Variants in ARMC8 observed in about 807,000 individuals in gnomAD.
The protein encoded by ARMC8 is armadillo repeat containing 8, also known as armadillo repeat-containing protein 8.
In ARMC8, 20 loss-of-function variants were observed where a neutral mutation model predicts 99.3. The ratio of observed to expected loss-of-function variants is 0.20; its 90% confidence interval spans 0.14 to 0.29. The LOEUF (loss-of-function observed/expected upper bound fraction) is 0.29. Ranked by LOEUF, ARMC8 falls within the 10% of genes least tolerant of loss-of-function variation. The probability of loss-of-function intolerance (pLI) is 1.00; values close to 1 mark genes in which losing one functional copy is unlikely to be tolerated. For missense variants in ARMC8, 569 were observed against 809.5 expected, an observed-to-expected ratio of 0.70 and a Z score of 3.60; for synonymous variants, 263 against 278.3, an observed-to-expected ratio of 0.95 and a Z score of 0.55.
At chr3:138,189,405 C>T (rs930214544) in intron 1 of ARMC8, among the ~76,000 whole-genome samples, 1 of 152,086 alleles carries the variant, frequency 6.6e-6, no homozygotes, top group Non-Finnish European at 1.5e-5. Flanking sequence ...TTTCAATTCA[C>T]TGATTTTACT....
chr3:138,220,391 A>G (rs1246561438), intron 2 of ARMC8, among the ~76,000 whole-genome samples: 2 of 152,198 alleles, frequency 1.3e-5, no homozygotes, highest in Non-Finnish European at 2.9e-5. Flanking sequence ...AGAAGATCTG[A>G]GGGATACTTT....
At chr3:138,217,210 CTCG>C (rs1292982860) in intron 2 of ARMC8, among the ~76,000 whole-genome samples, 1 of 152,110 alleles carries the variant, frequency 6.6e-6, no homozygotes, top group Non-Finnish European at 1.5e-5. Flanking sequence ...ATAATGTGTC[CTCG>C]TCGTTAAGCG....
intron 12 of ARMC8, among the ~76,000 whole-genome samples, chr3:138,255,299 C>T (rs1370747423): frequency 6.7e-6 from 1 of 150,084 alleles, no homozygotes; most frequent in Non-Finnish European, 1.5e-5. Flanking sequence ...ACCTCCCGGG[C>T]TCAGGCCATT....
chr3:138,222,577 C>A (rs555152856), intron 3 of ARMC8, among the ~76,000 whole-genome samples: 1 of 152,112 alleles, frequency 6.6e-6, no homozygotes, highest in Non-Finnish European at 1.5e-5. Context: ...GTTTTCTGTG[C>A]AATTGCTATT....
In ARMC8 at chr3:138,223,481, A is replaced by G; in HGVS notation, c.287A>G (p.Asn96Ser). 6.2e-7 allele frequency: 1 copy of G among 1,614,212 alleles called. No individual in the cohort carries two copies. Among genetic ancestry groups the G allele is most frequent in the Non-Finnish European group, 8.5e-7 (1 of 1,180,050 alleles). Reference protein sequence around the residue: ...VLGSLAMGTENNVKSLLDCHI... With the variant: ...VLGSLAMGTESNVKSLLDCHI... ...GGAAGTCTTGCTATGGGTACTGAAAACAATGTCAAGTCTCTACTGGACTGC... is the reference window on the plus strand; with the variant it reads ...GGAAGTCTTGCTATGGGTACTGAAAGCAATGTCAAGTCTCTACTGGACTGC... Residue 96 changes from asparagine (N) to serine (S), a missense_variant, in exon 4 of 22, where the codon AAC becomes AGC. By Grantham distance (46) the Asn-to-Ser change is conservative. This residue lies in a region of ARMC8 where 342 missense variants were observed against 391.6 expected (regional missense o/e 0.87). Transcript: ENST00000469044.
At chr3:138,267,093 T>A (rs754049136) in intron 14 of ARMC8, 62 bp from the exon 15 acceptor site, 3 of 831,258 alleles carry the variant, frequency 3.6e-6, no homozygotes, top group Non-Finnish European at 5.6e-6. Context: ...ATTTTATATC[T>A]CATTTTATAT....
At chr3:138,221,435 A>G (rs1435084277) in intron 2 of ARMC8, among the ~76,000 whole-genome samples, 2 of 152,210 alleles carry the variant, frequency 1.3e-5, no homozygotes, top group African/African-American at 4.8e-5. Flanking sequence ...TTGGAAAATA[A>G]CAAAGGAGTA....
chr3:138,207,282 A>G (rs911087970), intron 1 of ARMC8, among the ~76,000 whole-genome samples: 1 of 152,190 alleles, frequency 6.6e-6, no homozygotes, highest in South Asian at 2.1e-4. Context: ...TATAATTCTT[A>G]TATTCTAATA....
Position 138,241,814 on chromosome 3 carries a change from AG to A in ARMC8, c.871del (p.Glu291ArgfsTer4). 1 of 1,614,056 alleles carries A rather than the reference AG, an allele frequency of 6.2e-7. No individual in the cohort carries two copies. ...CCTTGTTTGGTTCGAATGTGCAGTA[AG>A]GAGAGATTACTAGAGGAGAGAGTTG... Reference protein sequence around the residue: ...TLPCLVRMCSKERLLEERVEG... With the variant: ...TLPCLVRMCSXERLLEERVEG... On this transcript the variant is annotated frameshift_variant, in exon 11 of 22. Coordinates refer to ENST00000469044, the MANE Select transcript of ARMC8 (RefSeq NM_001363941.2). LOFTEE classifies it high-confidence loss of function.
At chr3:138,272,592 G>A (rs2048897269) in intron 16 of ARMC8, among the ~76,000 whole-genome samples, 1 of 152,148 alleles carries the variant, frequency 6.6e-6, no homozygotes, top group Non-Finnish European at 1.5e-5. Flanking sequence ...AATTATCAGA[G>A]TTGGCCAAGC....
chr3:138,218,285 C>CA (rs1469337972), intron 2 of ARMC8, among the ~76,000 whole-genome samples: 1 of 152,148 alleles, frequency 6.6e-6, no homozygotes, highest in African/African-American at 2.4e-5. Context: ...CATTCCATTT[C>CA]ACATTCAGCT....
chr3:138,195,299 AAAG>A (rs1447153288), intron 1 of ARMC8, among the ~76,000 whole-genome samples: 4 of 151,928 alleles, frequency 2.6e-5, no homozygotes, highest in African/African-American at 9.7e-5. Context: ...AAAAAAAAAA[AAAG>A]AAACTATCTC....
rs1057424200 is a variant in ARMC8, at chr3:138,241,903, A to G, written c.958A>G (p.Ile320Val). 2.6e-5 allele frequency: 42 copies of G among 1,614,128 alleles called. No homozygotes were observed. The highest frequency in any genetic ancestry group is 3.3e-5 in the Non-Finnish European group (39 of 1,179,994). The change falls in exon 11 of 22, where the codon ATA becomes GTA. Residue 320 changes from isoleucine (I) to valine (V), a missense_variant. By Grantham distance (29) the Ile-to-Val change is conservative. This residue lies in a region of ARMC8 where 342 missense variants were observed against 391.6 expected (regional missense o/e 0.87). Coordinates refer to ENST00000469044, the MANE Select transcript of ARMC8 (RefSeq NM_001363941.2). ...PDVELQRIAS[I>V]TDHLIAMLAD... ...TGTTGAGCTACAGAGAATCGCTAGC[A>G]TAACTGATCACCTCATTGCCATGCT...
At chr3:138,223,994 T>C (rs1262968529) in intron 5 of ARMC8, among the ~76,000 whole-genome samples, 3 of 148,430 alleles carry the variant, frequency 2.0e-5, no homozygotes, top group African/African-American at 7.5e-5. Flanking sequence ...AGTCTTGCTC[T>C]GTCACCCAGG....
intron 12 of ARMC8, chr3:138,247,012 T>A: frequency 3.1e-6 from 1 of 318,008 alleles, no homozygotes; most frequent in Non-Finnish European, 4.6e-6. Flanking sequence ...TCATAGTAAC[T>A]ACTGAAGAGA....
At chr3:138,244,190 A>G (rs565460786) in intron 11 of ARMC8, among the ~76,000 whole-genome samples, 52 of 152,316 alleles carry the variant, frequency 3.4e-4, no homozygotes, top group African/African-American at 1.2e-3. Context: ...ACTGTAATAG[A>G]TAATAATGGT....
intron 1 of ARMC8, among the ~76,000 whole-genome samples, chr3:138,196,718 T>C (rs1190541280): frequency 2.0e-5 from 3 of 151,674 alleles, no homozygotes; most frequent in Non-Finnish European, 4.4e-5. Context: ...TAAAAAAAAA[T>C]TAGCCAGGTG....
At chr3:138,188,708 G>T (rs2043212770) in intron 1 of ARMC8, among the ~76,000 whole-genome samples, 1 of 152,118 alleles carries the variant, frequency 6.6e-6, no homozygotes, top group African/African-American at 2.4e-5. Flanking sequence ...TCTCTGACTT[G>T]TCCCACAAAC....
intron 12 of ARMC8, among the ~76,000 whole-genome samples, chr3:138,249,763 G>A (rs1038952594): frequency 6.6e-6 from 1 of 152,100 alleles, no homozygotes; most frequent in East Asian, 1.9e-4. Context: ...AGGGAGGGGA[G>A]ATAAAGATCA....
Sources: allele counts gnomAD v4.1 joint callset (sites outside exome capture counted in the v4.1 genomes callset), GRCh38; gene constraint gnomAD v4.1.1; regional missense constraint gnomAD v4.1.1; transcripts MANE v1.5; gene names NCBI Gene and HGNC (gene_info 2026-07-23, HGNC 2026-07-21).